Variants in GALNTL6 observed in about 807,000 individuals in gnomAD.
GALNTL6 encodes polypeptide N-acetylgalactosaminyltransferase-like 6.
Under a neutral mutation model 73.7 loss-of-function variants are expected in GALNTL6, and 46 were observed. The observed-to-expected ratio is 0.62, with a 90% CI of 0.49 to 0.80. GALNTL6 has a LOEUF of 0.80. GALNTL6 is among the 30% of genes least tolerant of loss of function. The pLI, the probability that GALNTL6 is intolerant of heterozygous loss-of-function variation, is 0.00. For synonymous variants in GALNTL6, 259 were observed against 263.7 expected (o/e 0.98, Z 0.17); for missense variants, 604 against 755.0 (o/e 0.80, Z 2.34).
At chr4:172,659,285 A>G (rs935135669) in intron 5 of GALNTL6, among the ~76,000 whole-genome samples, 1 of 152,028 alleles carries the variant, frequency 6.6e-6, no homozygotes, top group Non-Finnish European at 1.5e-5. Flanking sequence ...GGTACATGTG[A>G]TAGTTTGGTA....
intron 10 of GALNTL6, among the ~76,000 whole-genome samples, chr4:172,982,356 G>C (rs1007037119): frequency 1.1e-4 from 16 of 152,154 alleles, no homozygotes; most frequent in African/African-American, 3.9e-4. Context: ...AAACTAGAGG[G>C]AGGAACTGTG....
intron 5 of GALNTL6, among the ~76,000 whole-genome samples, chr4:172,490,828 C>T (rs1041492074): frequency 1.3e-5 from 2 of 152,090 alleles, no homozygotes; most frequent in African/African-American, 4.8e-5. Context: ...CTGAAAGAGT[C>T]AGATTGTACC....
rs142683909 is a variant in GALNTL6, at chr4:172,298,776, T to A, written c.248-12838T>A. On this transcript the variant is annotated intron_variant, in intron 3 of 12. Coordinates refer to ENST00000506823, the MANE Select transcript of GALNTL6 (RefSeq NM_001034845.3). The stretch of plus-strand genomic sequence containing the variant: ...CTGCTGAATTCGGTTTGCCACTATT[T>A]TATTGAGGATTTTTGCATCGATGTT... Among the ~76,000 whole-genome samples, 911 of 152,322 alleles carry A rather than the reference T, an allele frequency of 6.0e-3. 11 individuals carry two copies. The highest frequency in any genetic ancestry group is 0.02 in the African/African-American group (845 of 41,572).
At chr4:172,452,516 A>G (rs1416250905) in intron 5 of GALNTL6, among the ~76,000 whole-genome samples, 1 of 152,188 alleles carries the variant, frequency 6.6e-6, no homozygotes, top group East Asian at 1.9e-4. Flanking sequence ...TATTCAAAAC[A>G]GTTGTTCTGT....
intron 2 of GALNTL6, among the ~76,000 whole-genome samples, chr4:172,128,306 T>C (rs1209355814): frequency 6.6e-6 from 1 of 152,150 alleles, no homozygotes; most frequent in Non-Finnish European, 1.5e-5. Context: ...CCAACCTGTA[T>C]AGGATCCCTT....
At chr4:172,179,147 T>G (rs1276407316) in intron 2 of GALNTL6, among the ~76,000 whole-genome samples, 2 of 147,124 alleles carry the variant, frequency 1.4e-5, no homozygotes, top group African/African-American at 5.1e-5. Flanking sequence ...GCAGCATGAT[T>G]TATAGTCATT....
intron 3 of GALNTL6, among the ~76,000 whole-genome samples, chr4:172,279,677 A>G (rs1037158309): frequency 6.6e-6 from 1 of 152,176 alleles, no homozygotes; most frequent in Admixed American, 6.5e-5. Flanking sequence ...CCTAAAATAA[A>G]TTAAAAATAG....
Position 172,809,378 on chromosome 4 carries a change from T to C in GALNTL6, c.571T>C (p.Leu191=). The C allele has an allele frequency of 6.2e-7, 1 of 1,613,736 alleles. No individual in the cohort carries two copies. Among genetic ancestry groups the C allele is most frequent in the Non-Finnish European group, 8.5e-7 (1 of 1,179,792 alleles). The change falls in exon 6 of 13, where the codon TTG becomes CTG. Residue 191 remains leucine, a synonymous_variant. Transcript: ENST00000506823. This position sits in a 1 kb window ranked among gnomAD's most constrained non-coding sequence, Gnocchi z 4.4. ...CTACCTAGAACACCTGAAGGATAAA[T>C]TGGAAGAATACATGGCCCGATTTTC... is the stretch of plus-strand genomic sequence containing the variant. ...FSEREHLKDK[L]EEYMARFSKV...
intron 5 of GALNTL6, among the ~76,000 whole-genome samples, chr4:172,475,635 A>G (rs970438494): frequency 7.2e-5 from 11 of 152,214 alleles, no homozygotes; most frequent in Admixed American, 2.6e-4. Context: ...TCTTGAATTC[A>G]TATAATCCTA....
At chr4:171,954,645 A>G (rs2111036575) in intron 2 of GALNTL6, among the ~76,000 whole-genome samples, 1 of 152,344 alleles carries the variant, frequency 6.6e-6, no homozygotes, top group Admixed American at 6.5e-5. Context: ...TTGGGAAATT[A>G]GACAATCAAT....
intron 5 of GALNTL6, among the ~76,000 whole-genome samples, chr4:172,377,744 G>A (rs563342373): frequency 1.3e-5 from 2 of 152,238 alleles, no homozygotes; most frequent in East Asian, 3.9e-4. Context: ...GCAGTGCTGG[G>A]GTACCTGGTG....
At chr4:172,212,747 A>T (rs1736367112) in intron 2 of GALNTL6, among the ~76,000 whole-genome samples, 1 of 151,798 alleles carries the variant, frequency 6.6e-6, no homozygotes, top group South Asian at 2.1e-4. Context: ...AGCTCACCAC[A>T]ACCTCTGGCC....
At chr4:172,814,129 G>C (rs1356193296) in intron 7 of GALNTL6, among the ~76,000 whole-genome samples, 1 of 152,276 alleles carries the variant, frequency 6.6e-6, no homozygotes, top group South Asian at 2.1e-4. Context: ...ATATGAACCA[G>C]TGTTTAAGCC....
At chr4:172,168,162 CTTATTTTTA>C (rs1251055914) in intron 2 of GALNTL6, among the ~76,000 whole-genome samples, 4 of 152,126 alleles carry the variant, frequency 2.6e-5, no homozygotes, top group Non-Finnish European at 5.9e-5. Flanking sequence ...GCCTTTGAGC[CTTATTTTTA>C]ATTTGGTGAA....
In GALNTL6 at chr4:173,020,114, G is replaced by A. The variant is rs114353000; in HGVS notation, c.1489-1362G>A. Among the ~76,000 whole-genome samples the A allele has an allele frequency of 2.7e-3, 407 of 152,286 alleles. 1 individual carries two copies. The highest frequency in any genetic ancestry group is 0.01 in the Middle Eastern group (3 of 294). ...AACCTTCCTGGGATTTTAGAATTGG[G>A]AGCAATCACAGGGCTCATCTAGTCC... On this transcript the variant is annotated intron_variant, in intron 11 of 12. Transcript: ENST00000506823.
chr4:172,717,305 T>C (rs1300896544), intron 5 of GALNTL6, among the ~76,000 whole-genome samples: 1 of 152,238 alleles, frequency 6.6e-6, no homozygotes, highest in Non-Finnish European at 1.5e-5. Flanking sequence ...ACACATTCTA[T>C]GTAATCATTG....
At chr4:172,387,489 A>G (rs1253179325) in intron 5 of GALNTL6, among the ~76,000 whole-genome samples, 3 of 152,064 alleles carry the variant, frequency 2.0e-5, no homozygotes, top group African/African-American at 7.2e-5. Context: ...GTCCTTTTGG[A>G]TTAGAAGTCA....
At chr4:172,174,587 T>C (rs1256931992) in intron 2 of GALNTL6, among the ~76,000 whole-genome samples, 1 of 152,198 alleles carries the variant, frequency 6.6e-6, no homozygotes, top group Non-Finnish European at 1.5e-5. Context: ...GTCCTGTCAA[T>C]TTAATGACTA....
At chr4:172,799,764 G>A (rs532530283) in intron 5 of GALNTL6, among the ~76,000 whole-genome samples, 128 of 152,056 alleles carry the variant, frequency 8.4e-4, no homozygotes, top group Non-Finnish European at 1.4e-3. Context: ...CCACTTCTGC[G>A]TATATGCCAA....
Sources: allele counts gnomAD v4.1 joint callset (sites outside exome capture counted in the v4.1 genomes callset), GRCh38; gene constraint gnomAD v4.1.1; non-coding constraint Gnocchi (gnomAD v3.1); transcripts MANE v1.5; gene names NCBI Gene and HGNC (gene_info 2026-07-23, HGNC 2026-07-21).